The following NAV1 variants were observed in gnomAD, a reference collection of about 807,000 sequenced individuals.
NAV1 encodes neuron navigator 1, also known as pore membrane and/or filament interacting like protein 3.
NAV1 carries 18 observed loss-of-function variants against 175.2 expected under a neutral mutation model. That is an observed-to-expected ratio of 0.10 (90% CI 0.07 to 0.15). The LOEUF (loss-of-function observed/expected upper bound fraction) is 0.15, where lower values mean the gene tolerates loss of function less well. NAV1 is among the 10% of genes least tolerant of loss of function. NAV1 has a pLI of 1.00. For missense variants in NAV1, 1,731 were observed against 2,436.6 expected (o/e 0.71, Z 6.10); for synonymous variants, 897 against 978.7 (o/e 0.92, Z 1.56).
rs969019345 is a variant in NAV1 at position 201,679,344 on chromosome 1, C to T, written c.757+29919C>T. Among the ~76,000 whole-genome samples the T allele has an allele frequency of 2.6e-5, 4 of 152,096 alleles. No individual in the cohort carries two copies. In the East Asian group the frequency reaches 7.7e-4, roughly 29 times the overall value. ...GAAAATGAGCAGCCCAGAGCTCCTT[C>T]CACCCCTAAAGGGCAAGGTCCTGAT... On this transcript the variant is annotated intron_variant, in intron 1 of 29. Coordinates refer to ENST00000367296, the Ensembl canonical transcript of NAV1.
chr1:201,733,656 G>A (rs1434766390), intron 3 of NAV1, among the ~76,000 whole-genome samples: 2 of 152,196 alleles, frequency 1.3e-5, no homozygotes, highest in East Asian at 1.9e-4. Flanking sequence ...GTATTTGAGA[G>A]TGGATAGTCA....
At chr1:201,619,896 G>T (rs1668108650), upstream of NAV1, among the ~76,000 whole-genome samples, 1 of 152,246 alleles carries the variant, frequency 6.6e-6, no homozygotes, top group African/African-American at 2.4e-5. Flanking sequence ...CTTCTGCTGG[G>T]TAGGATGGGG....
At chr1:201,732,305 G>A (rs969028364) in intron 3 of NAV1, among the ~76,000 whole-genome samples, 2 of 152,074 alleles carry the variant, frequency 1.3e-5, no homozygotes, top group African/African-American at 4.8e-5. Flanking sequence ...ATGTAATACA[G>A]GCTAATTCTT....
chr1:201,545,792 A>C (rs1477755391), intron 1 of NAV1, among the ~76,000 whole-genome samples: 1 of 152,252 alleles, frequency 6.6e-6, no homozygotes, highest in Non-Finnish European at 1.5e-5. Context: ...GGGCTGATGC[A>C]GAAGGGATAA....
At chr1:201,811,709 C>G in exon 25 of NAV1, 1 of 1,612,092 alleles carries the variant, frequency 6.2e-7, no homozygotes, top group Non-Finnish European at 8.5e-7. Flanking sequence ...GAAGCAGGCT[C>G]CATCAGTGAG....
At chr1:201,557,718 C>T (rs1203284455) in intron 1 of NAV1, among the ~76,000 whole-genome samples, 1 of 152,194 alleles carries the variant, frequency 6.6e-6, no homozygotes, top group African/African-American at 2.4e-5. Context: ...AAATAGCTGG[C>T]TGAGATCCAG....
At position 201,810,910 on chromosome 1, in the gene NAV1, C is replaced by T; in HGVS notation, c.4797+152C>T. 1 of 639,544 alleles carries T rather than the reference C, an allele frequency of 1.6e-6. No homozygotes were observed. 39.6% of individuals were successfully genotyped at this position (639,544 alleles called of 1,614,324 possible). On this transcript the variant is annotated intron_variant, in intron 24 of 29. Transcript: ENST00000367296. The surrounding 1 kb of genome is among the most constrained non-coding windows in gnomAD (Gnocchi z 6.0). ...TGTGTTCATTTCCTTCCCTCTCTAT[C>T]TATCCCCTTTTCCAGTCTTCTCCTT...
chr1:201,738,330 A>G (rs1297396660), intron 3 of NAV1, among the ~76,000 whole-genome samples: 3 of 152,114 alleles, frequency 2.0e-5, no homozygotes, highest in Non-Finnish European at 4.4e-5. Flanking sequence ...GTGCAACCTC[A>G]GAAACAAAGA....
chr1:201,586,500 A>C (rs673550), intron 1 of NAV1, among the ~76,000 whole-genome samples: 2 of 151,862 alleles, frequency 1.3e-5, no homozygotes, highest in African/African-American at 2.4e-5. Context: ...ATTTATTTTC[A>C]CACAGTTCTG....
intron 3 of NAV1, among the ~76,000 whole-genome samples, chr1:201,734,538 T>C (rs1269916550): frequency 2.5e-5 from 1 of 39,884 alleles, no homozygotes; most frequent in African/African-American, 9.1e-5. Context: ...GAAGATCATT[T>C]ACAGTACTTT....
chr1:201,789,924 G>C, intron 11 of NAV1, 132 bp downstream of exon 15: 6 of 846,686 alleles, frequency 7.1e-6, no homozygotes, highest in Non-Finnish European at 1.2e-5. Flanking sequence ...ACCCATTGGG[G>C]TGGGAATGGG....
intron 1 of NAV1, among the ~76,000 whole-genome samples, chr1:201,581,337 G>A (rs527365141): frequency 6.6e-5 from 10 of 152,290 alleles, no homozygotes; most frequent in African/African-American, 2.2e-4. Flanking sequence ...GGAGCTTAAC[G>A]CCTTGGCTTA....
intron 1 of NAV1, among the ~76,000 whole-genome samples, chr1:201,558,371 A>G (rs1666097460): frequency 6.6e-6 from 1 of 152,214 alleles, no homozygotes; most frequent in Admixed American, 6.5e-5. Context: ...TGGTTAGTAA[A>G]TCATTCTCTT....
chr1:201,767,987 C>G (rs544310677), intron 3 of NAV1, among the ~76,000 whole-genome samples: 2 of 152,312 alleles, frequency 1.3e-5, no homozygotes, highest in Non-Finnish European at 2.9e-5. Flanking sequence ...GTTGTCATTT[C>G]TTTCATTTGA....
rs59583786 is a variant in NAV1 at position 201,765,381 on chromosome 1, CTTTTTTTT to C, written c.1227-15025_1227-15018del. Among the ~76,000 whole-genome samples, 25 of 98,598 alleles carry C rather than the reference CTTTTTTTT, an allele frequency of 2.5e-4. No individual in the cohort carries two copies. The East Asian group carries it at 4.1e-3, about 16-fold the overall frequency. The allele number at this position is 98,598 out of a possible 152,430, so 64.7% of individuals were successfully genotyped here. ...ATGGGTTTGATCTTCAGGAAATATT[CTTTTTTTT>C]TTTTTTTTTTTTTTCTTTTTTTTGA... On this transcript the variant is annotated intron_variant, in intron 3 of 29. Transcript: ENST00000367296.
intron 1 of NAV1, among the ~76,000 whole-genome samples, chr1:201,700,818 TG>T (rs1238356559): frequency 6.6e-6 from 1 of 151,934 alleles, no homozygotes; most frequent in African/African-American, 2.4e-5. Context: ...GAGACCATCC[TG>T]GCTAACATGG....
chr1:201,628,165 G>T (rs1462953919), intron 1 of NAV1, among the ~76,000 whole-genome samples: 1 of 149,736 alleles, frequency 6.7e-6, no homozygotes, highest in Admixed American at 6.7e-5. Context: ...AAGAGAGACA[G>T]TAGTACATGG....
At chr1:201,786,014 A>G (rs1676721237) in intron 8 of NAV1, among the ~76,000 whole-genome samples, 1 of 151,726 alleles carries the variant, frequency 6.6e-6, no homozygotes, top group Non-Finnish European at 1.5e-5. Flanking sequence ...GCTGGTCTCA[A>G]ACTCCTGACC....
chr1:201,543,481 C>G (rs548646068), intron 1 of NAV1, among the ~76,000 whole-genome samples: 11 of 150,244 alleles, frequency 7.3e-5, no homozygotes, highest in African/African-American at 2.4e-4. Flanking sequence ...TCTTTTAGTC[C>G]TGGGATAAAT....
Sources: allele counts gnomAD v4.1 joint callset (sites outside exome capture counted in the v4.1 genomes callset), GRCh38; gene constraint gnomAD v4.1.1; non-coding constraint Gnocchi (gnomAD v3.1); transcripts MANE v1.5; gene names NCBI Gene and HGNC (gene_info 2026-07-23, HGNC 2026-07-21).